The following PKHD1 variants were observed in gnomAD, a reference collection of about 807,000 sequenced individuals.
PKHD1 encodes fibrocystin.
Under a neutral mutation model 412.0 loss-of-function variants are expected in PKHD1, and 291 were observed. The ratio of observed to expected loss-of-function variants is 0.71; its 90% CI spans 0.64 to 0.78. The LOEUF is 0.78. Among genes scored for constraint, PKHD1 ranks in the 30% least tolerant of loss-of-function variants. PKHD1 has a pLI of 0.00. For synonymous variants in PKHD1, 1,777 were observed against 1,821.5 expected, an observed-to-expected ratio of 0.98 and a Z score of 0.62; for missense variants, 4,825 against 4,950.7, an observed-to-expected ratio of 0.97 and a Z score of 0.76.
intron 35 of PKHD1, among the ~76,000 whole-genome samples, chr6:51,971,738 G>C (rs377425935): frequency 1.2e-5 from 1 of 86,836 alleles, no homozygotes; most frequent in East Asian, 3.2e-4. Flanking sequence ...GTTTTGTTTT[G>C]TTTTGTTTTT....
chr6:51,676,213 G>A (rs564958185), intron 60 of PKHD1, among the ~76,000 whole-genome samples: 2 of 147,050 alleles, frequency 1.4e-5, no homozygotes, highest in Non-Finnish European at 3.0e-5. Context: ...ATGCCAAAGG[G>A]GTCGTCTTTG....
intron 43 of PKHD1, among the ~76,000 whole-genome samples, chr6:51,902,698 T>C (rs548122670): frequency 6.6e-6 from 1 of 152,232 alleles, no homozygotes; most frequent in Admixed American, 6.5e-5. Context: ...AGAAGATCCA[T>C]GGGATAAAAT....
At chr6:51,695,472 G>A (rs1303908390) in intron 60 of PKHD1, among the ~76,000 whole-genome samples, 1 of 152,136 alleles carries the variant, frequency 6.6e-6, no homozygotes, top group Non-Finnish European at 1.5e-5. Flanking sequence ...GGAAGAAGAA[G>A]AGGAAGGAGA....
chr6:52,020,554 G>T (rs537320162), intron 33 of PKHD1, among the ~76,000 whole-genome samples: 1 of 152,144 alleles, frequency 6.6e-6, no homozygotes. Context: ...ACAAGCTCCC[G>T]GGTGAGGCCC....
intron 53 of PKHD1, among the ~76,000 whole-genome samples, chr6:51,782,220 T>C (rs930497527): frequency 6.6e-5 from 10 of 152,044 alleles, no homozygotes; most frequent in Admixed American, 5.9e-4. Context: ...GATGTCCCAA[T>C]AGGACAGAAG....
At chr6:51,810,138 T>C (rs1301982348) in intron 52 of PKHD1, among the ~76,000 whole-genome samples, 1 of 152,146 alleles carries the variant, frequency 6.6e-6, no homozygotes. Flanking sequence ...TAAATTGTTG[T>C]TGAGTATTAA....
chr6:51,970,878 T>C (rs1793575203), intron 35 of PKHD1, among the ~76,000 whole-genome samples: 1 of 152,212 alleles, frequency 6.6e-6, no homozygotes, highest in Non-Finnish European at 1.5e-5. Flanking sequence ...CGAAGTCAGG[T>C]ATTATGATAC....
At chr6:51,670,954 G>A (rs1252862071) in intron 60 of PKHD1, among the ~76,000 whole-genome samples, 2 of 151,980 alleles carry the variant, frequency 1.3e-5, no homozygotes, top group South Asian at 2.1e-4. Context: ...TGGGTAACCA[G>A]ACCTTTCTCT....
rs926412154 is a variant in PKHD1 at position 51,630,156 on chromosome 6, C to G, written c.11665+2409G>C. Among the ~76,000 whole-genome samples, 3 of 152,100 alleles carry G rather than the reference C, an allele frequency of 2.0e-5. No individual in the cohort carries two copies. The East Asian group carries it at 5.8e-4, about 29-fold the overall frequency. On this transcript the variant is annotated intron_variant, in intron 65 of 66. Coordinates refer to ENST00000371117, the MANE Select transcript of PKHD1 (RefSeq NM_138694.4). ...TGGTGGATTTTCATGTAACAAAGTACAAAAAGGCCATTGAGATGGCACTTT... is the reference window on the plus strand; with the variant it reads ...TGGTGGATTTTCATGTAACAAAGTAGAAAAAGGCCATTGAGATGGCACTTT...
In PKHD1 at chr6:51,832,172, C is replaced by A. The variant is rs560507509; in HGVS notation, c.8174-1183G>T. 1.3e-4 allele frequency among the ~76,000 whole-genome samples: 20 copies of A among 152,094 alleles called. No homozygotes were observed. In the South Asian group the frequency reaches 4.2e-3, roughly 32 times the overall value. ...TATATCAGTATTAGGAGGATAAAAA[C>A]TCTACACAGGCACTGAGGGGAGTTC... is the stretch of plus-strand genomic sequence containing the variant. On this transcript the variant is annotated intron_variant, in intron 51 of 66. Transcript: ENST00000371117.
intron 34 of PKHD1, among the ~76,000 whole-genome samples, chr6:52,016,036 A>G (rs1800484141): frequency 6.6e-6 from 1 of 152,158 alleles, no homozygotes; most frequent in South Asian, 2.1e-4. Context: ...CCCTGAATTC[A>G]ATGGAGCCAG....
chr6:51,797,231 T>C (rs1449895300), intron 52 of PKHD1, among the ~76,000 whole-genome samples: 1 of 152,238 alleles, frequency 6.6e-6, no homozygotes, highest in Non-Finnish European at 1.5e-5. Flanking sequence ...ATATGATCAA[T>C]TTTAAAGTAA....
intron 41 of PKHD1, among the ~76,000 whole-genome samples, chr6:51,904,734 G>C (rs1781817234): frequency 6.6e-6 from 1 of 152,118 alleles, no homozygotes; most frequent in South Asian, 2.1e-4. Flanking sequence ...AGCACTAAAG[G>C]CTAAATTCTG....
intron 53 of PKHD1, among the ~76,000 whole-genome samples, chr6:51,784,263 G>GA (rs1229906059): frequency 1.0e-5 from 1 of 96,692 alleles, no homozygotes; most frequent in Non-Finnish European, 2.4e-5. Context: ...AAGTAATTGT[G>GA]GTTTTTGCCA....
intron 35 of PKHD1, among the ~76,000 whole-genome samples, chr6:51,984,976 T>C (rs887566959): frequency 2.0e-5 from 3 of 152,160 alleles, no homozygotes; most frequent in Non-Finnish European, 4.4e-5. Flanking sequence ...GTTGGATTCT[T>C]TGTCCAAAGA....
chr6:51,802,798 T>C (rs2151332740), intron 52 of PKHD1, among the ~76,000 whole-genome samples: 1 of 151,302 alleles, frequency 6.6e-6, no homozygotes, highest in South Asian at 2.1e-4. Flanking sequence ...TCTCTTTTTG[T>C]CTCTGCTTGA....
chr6:52,009,800 G>A (rs1799576965), intron 35 of PKHD1, among the ~76,000 whole-genome samples: 1 of 152,042 alleles, frequency 6.6e-6, no homozygotes, highest in Non-Finnish European at 1.5e-5. Context: ...AGGCTAGACC[G>A]AATGACCCTG....
At chr6:51,800,038 A>T (rs562602835) in intron 52 of PKHD1, among the ~76,000 whole-genome samples, 3 of 152,170 alleles carry the variant, frequency 2.0e-5, no homozygotes, top group African/African-American at 7.2e-5. Flanking sequence ...CTGTTGCTCA[A>T]TGGGTGGCTG....
intron 52 of PKHD1, among the ~76,000 whole-genome samples, chr6:51,819,986 G>A (rs973509298): frequency 7.9e-5 from 12 of 152,136 alleles, no homozygotes; most frequent in East Asian, 1.9e-4. Flanking sequence ...GATTTTTAAC[G>A]TACTTGCAGA....
Sources: allele counts gnomAD v4.1 joint callset (sites outside exome capture counted in the v4.1 genomes callset), GRCh38; gene constraint gnomAD v4.1.1; transcripts MANE v1.5; gene names NCBI Gene and HGNC (gene_info 2026-07-23, HGNC 2026-07-21).